The following ZBTB20 variants were observed in gnomAD, a reference collection of about 807,000 sequenced individuals.
ZBTB20 encodes zinc finger and BTB domain-containing protein 20.
ZBTB20 carries 9 observed loss-of-function variants against 56.9 expected under a neutral mutation model. That is an observed-to-expected ratio of 0.16 (90% CI 0.10 to 0.28). The LOEUF is 0.28. Ranked by LOEUF, ZBTB20 falls within the 10% of genes least tolerant of loss-of-function variation. The pLI, the probability that ZBTB20 is intolerant of heterozygous loss-of-function variation, is 1.00. For synonymous variants in ZBTB20, 417 were observed against 420.7 expected (o/e 0.99, Z 0.11); for missense variants, 655 against 1,003.0 (o/e 0.65, Z 4.69).
intron 3 of ZBTB20, among the ~76,000 whole-genome samples, chr3:114,937,959 G>A (rs776471025): frequency 2.0e-5 from 3 of 151,678 alleles, no homozygotes; most frequent in Admixed American, 6.6e-5. Context: ...TTGGCCGGCC[G>A]TGGTGGTGGG....
intron 5 of ZBTB20, among the ~76,000 whole-genome samples, chr3:114,726,045 A>G (rs2065253031): frequency 1.3e-5 from 2 of 152,242 alleles, no homozygotes; most frequent in Admixed American, 6.5e-5. Context: ...AACACAAGAT[A>G]TATCACAGAT....
intron 6 of ZBTB20, among the ~76,000 whole-genome samples, chr3:114,573,267 C>A (rs1288721033): frequency 6.6e-6 from 1 of 151,950 alleles, no homozygotes; most frequent in Non-Finnish European, 1.5e-5. Context: ...CGAGACCACC[C>A]TAGGCAACAT....
Position 114,350,833 on chromosome 3 carries a change from G to T in ZBTB20, c.1245C>A (p.Ala415=), listed in dbSNP as rs562745948. 3 of 1,612,888 alleles carry T rather than the reference G, an allele frequency of 1.9e-6. No homozygotes were observed. The highest frequency in any genetic ancestry group is 2.2e-5 in the East Asian group (1 of 44,818). Residue 415 remains alanine (A), a synonymous_variant, in exon 11 of 12, where the codon GCC becomes GCA. Coordinates refer to ENST00000675478, the MANE Select transcript of ZBTB20 (RefSeq NM_001348800.3). ...TTGTCTGCGGACCACCCTCAGCGGG[G>T]GCTTCTGCAGCCTGCTCGGGTTGGG... ...EPTQPEQAAE[A]PAEGGPQTNQ...
intron 10 of ZBTB20, among the ~76,000 whole-genome samples, chr3:114,368,445 G>C (rs2082659539): frequency 6.6e-6 from 1 of 152,186 alleles, no homozygotes; most frequent in Admixed American, 6.5e-5. Flanking sequence ...GAGGACATCA[G>C]GAGCCATTCT....
At chr3:114,912,130 GA>G (rs10575416) in intron 3 of ZBTB20, among the ~76,000 whole-genome samples, 59,992 of 136,428 alleles carry the variant, frequency 0.44, 13,625 homozygotes, top group Non-Finnish European at 0.53. Context: ...AGTGCTAAAA[GA>G]AAAAAAAAAA....
chr3:115,095,041 C>T (rs1392418941), intron 1 of ZBTB20, among the ~76,000 whole-genome samples: 1 of 151,926 alleles, frequency 6.6e-6, no homozygotes, highest in African/African-American at 2.4e-5. Flanking sequence ...CTTTTAAATG[C>T]ATAATATGAA....
In ZBTB20 at chr3:114,619,656, G is replaced by A. The variant is rs7635225; in HGVS notation, c.-295+73872C>T. On this transcript the variant is annotated intron_variant, in intron 6 of 11. Coordinates refer to ENST00000675478, the MANE Select transcript of ZBTB20 (RefSeq NM_001348800.3). ...CGACTTGGTGCCCCTCTCCTCTGAA[G>A]AAGGCTTAGTGTGCTGCAGCTTAAT... is the stretch of plus-strand genomic sequence containing the variant. 7.7e-3 allele frequency among the ~76,000 whole-genome samples: 1,166 copies of A among 152,264 alleles called. 18 individuals are homozygous for A. The highest frequency in any genetic ancestry group is 0.025 in the African/African-American group (1,055 of 41,542).
intron 2 of ZBTB20, among the ~76,000 whole-genome samples, chr3:115,021,781 A>C (rs2080215375): frequency 6.6e-6 from 1 of 150,804 alleles, no homozygotes; most frequent in Non-Finnish European, 1.5e-5. Flanking sequence ...AACAATGGAA[A>C]TGTTTGTATA....
intron 2 of ZBTB20, among the ~76,000 whole-genome samples, chr3:115,041,529 C>A (rs190242198): frequency 1.4e-4 from 22 of 152,172 alleles, no homozygotes; most frequent in African/African-American, 5.1e-4. Flanking sequence ...AAACAGAGAG[C>A]AAATACTGTA....
chr3:114,894,523 A>G (rs538887811), intron 4 of ZBTB20, among the ~76,000 whole-genome samples: 1 of 152,316 alleles, frequency 6.6e-6, no homozygotes, highest in South Asian at 2.1e-4. Flanking sequence ...TCTTACTTGG[A>G]CATAGGTCTC....
At chr3:114,941,998 C>T (rs1338529922) in intron 3 of ZBTB20, among the ~76,000 whole-genome samples, 1 of 146,204 alleles carries the variant, frequency 6.8e-6, no homozygotes, top group Non-Finnish European at 1.5e-5. Context: ...AAAGTACTGT[C>T]TATGCCTAGT....
intron 10 of ZBTB20, among the ~76,000 whole-genome samples, chr3:114,377,306 A>G (rs1453928768): frequency 6.6e-6 from 1 of 152,222 alleles, no homozygotes; most frequent in Non-Finnish European, 1.5e-5. Flanking sequence ...TAGTAGGCGC[A>G]CTGCAAAGCA....
chr3:114,586,989 C>CTTTTTTTTT (rs1195918426), intron 6 of ZBTB20, among the ~76,000 whole-genome samples: 3 of 76,974 alleles, frequency 3.9e-5, no homozygotes, highest in Non-Finnish European at 4.7e-5. Context: ...GTATAACTCC[C>CTTTTTTTTT]TTTTTTTTTT....
intron 5 of ZBTB20, among the ~76,000 whole-genome samples, chr3:114,705,394 A>G (rs2063656877): frequency 6.6e-6 from 1 of 152,158 alleles, no homozygotes; most frequent in African/African-American, 2.4e-5. Flanking sequence ...AATTACTCCA[A>G]TGATAGTGTG....
intron 1 of ZBTB20, among the ~76,000 whole-genome samples, chr3:115,132,945 A>G (rs1351613876): frequency 6.6e-6 from 1 of 151,962 alleles, no homozygotes; most frequent in Non-Finnish European, 1.5e-5. Context: ...CTAGTGAGTT[A>G]TTATTTTGAT....
At chr3:114,914,634 A>T (rs1057076875) in intron 3 of ZBTB20, among the ~76,000 whole-genome samples, 4 of 151,952 alleles carry the variant, frequency 2.6e-5, no homozygotes, top group Admixed American at 2.0e-4. Flanking sequence ...CATCCTTGTC[A>T]TGTTCCAGAT....
Position 114,373,161 on chromosome 3 carries a change from G to T in ZBTB20, c.199+7056C>A, listed in dbSNP as rs1437412258. 3.9e-5 allele frequency among the ~76,000 whole-genome samples: 6 copies of T among 152,304 alleles called. No homozygotes were observed. The East Asian group carries it at 9.7e-4, about 25-fold the overall frequency. ...GATCTCTTGACCTCATGATCTGGCC[G>T]CCTTGGTCTCCCAAAGTGCGGGGAT... is the stretch of plus-strand genomic sequence containing the variant. On this transcript the variant is annotated intron_variant, in intron 10 of 11. Coordinates refer to ENST00000675478, the MANE Select transcript of ZBTB20 (RefSeq NM_001348800.3).
intron 4 of ZBTB20, among the ~76,000 whole-genome samples, chr3:114,849,640 C>G (rs1207258714): frequency 6.6e-6 from 1 of 152,068 alleles, no homozygotes; most frequent in Non-Finnish European, 1.5e-5. Context: ...ATGATATATG[C>G]TTTGTATTGT....
At chr3:114,497,606 T>C (rs1000461217) in intron 7 of ZBTB20, among the ~76,000 whole-genome samples, 2 of 152,198 alleles carry the variant, frequency 1.3e-5, no homozygotes, top group African/African-American at 4.8e-5. Flanking sequence ...CCTTACCACA[T>C]CCAAGTGGGC....
Sources: gnomAD v4.1 joint callset for allele counts (sites outside exome capture counted in the v4.1 genomes callset) on GRCh38, gnomAD v4.1.1 for gene constraint, MANE v1.5 for transcripts, NCBI Gene and HGNC (gene_info 2026-07-23, HGNC 2026-07-21) for gene names.